PNPT1: variants seen among roughly 807,000 people sequenced by gnomAD.
PNPT1 encodes the protein polyribonucleotide nucleotidyltransferase 1, mitochondrial.
In PNPT1, 53 loss-of-function variants were observed where a neutral mutation model predicts 119.5. The ratio of observed to expected loss-of-function variants is 0.44; its 90% confidence interval spans 0.36 to 0.56. The LOEUF (loss-of-function observed/expected upper bound fraction) is 0.56. PNPT1 is among the 20% of genes least tolerant of loss of function. The pLI is 0.00. For synonymous variants in PNPT1, 357 were observed against 322.1 expected (o/e 1.11, Z -1.16); for missense variants, 948 against 938.5 (o/e 1.01, Z -0.13).
At chr2:55,643,503 G>T (rs561848790) in intron 23 of PNPT1, 78 bp from the exon 24 acceptor site, 2 of 1,236,990 alleles carry the variant, frequency 1.6e-6, no homozygotes, top group East Asian at 2.4e-5. Flanking sequence ...CCAGCACTCT[G>T]GGGGGCTGAG....
chr2:55,661,052 C>T (rs1572813461), intron 14 of PNPT1, among the ~76,000 whole-genome samples: 1 of 149,858 alleles, frequency 6.7e-6, no homozygotes, highest in Admixed American at 6.6e-5. Context: ...AGAGTCAAGA[C>T]TCTATGCAAT....
intron 8 of PNPT1, among the ~76,000 whole-genome samples, chr2:55,676,881 T>C (rs777790737): frequency 3.3e-5 from 5 of 151,914 alleles, no homozygotes; most frequent in Admixed American, 6.6e-5. Flanking sequence ...AAAAAAAGAT[T>C]TGGATGACTA....
intron 4 of PNPT1, 117 bp from the exon 5 acceptor site, chr2:55,683,951 C>T: frequency 1.1e-6 from 1 of 910,218 alleles, no homozygotes; most frequent in Non-Finnish European, 1.7e-6. Context: ...TCCCCTTGGA[C>T]TGATTTACTA....
rs1455169160 is a variant in PNPT1 at position 55,651,249 on chromosome 2, C to T, written c.1495+3651G>A. On this transcript the variant is annotated intron_variant, in intron 18 of 27. Transcript: ENST00000447944. ...CTGGGAAGTGAGGAGCCCCTCTGCC[C>T]GGCCACCACCCCGTCTGGGAGGTGT... Among the ~76,000 whole-genome samples, 9 of 150,556 alleles carry T rather than the reference C, an allele frequency of 6.0e-5. No individual in the cohort carries two copies. In the South Asian group the frequency reaches 8.5e-4, roughly 14 times the overall value.
Position 55,671,827 on chromosome 2 carries a change from AAAAAC to A in PNPT1, c.918+163_918+167del, listed in dbSNP as rs147416432. Among the ~76,000 whole-genome samples, 4,524 of 152,362 alleles carry A rather than the reference AAAAAC, an allele frequency of 0.03. 104 individuals are homozygous for A. Among genetic ancestry groups the A allele is most frequent in the South Asian group, 0.089 (429 of 4,832 alleles). ...GGGCGACAGAGAGAGACTCTGTCTC[AAAAAC>A]AAAACAAAACAAAAGAATGGAGAAA... On this transcript the variant is annotated intron_variant, in intron 10 of 27. Transcript: ENST00000447944.
chr2:55,674,359 T>C (rs912051911), intron 8 of PNPT1, among the ~76,000 whole-genome samples: 13 of 152,074 alleles, frequency 8.5e-5, no homozygotes, highest in Admixed American at 6.6e-5. Context: ...TTTGGGAGGC[T>C]AAAGTGGGCA....
chr2:55,692,617 A>T (rs1322131827), intron 1 of PNPT1, among the ~76,000 whole-genome samples: 3 of 152,138 alleles, frequency 2.0e-5, no homozygotes, highest in Non-Finnish European at 4.4e-5. Context: ...TTTTTTATAG[A>T]CTCTTAGAAA....
intron 15 of PNPT1, among the ~76,000 whole-genome samples, chr2:55,659,512 CA>C (rs1328763490): frequency 6.8e-6 from 1 of 147,484 alleles, no homozygotes; most frequent in Non-Finnish European, 1.5e-5. Context: ...GACGTGTATA[CA>C]GGCATGACTT....
chr2:55,680,330 G>A (rs1013933686), intron 7 of PNPT1, among the ~76,000 whole-genome samples: 4 of 151,382 alleles, frequency 2.6e-5, no homozygotes, highest in African/African-American at 4.9e-5. Flanking sequence ...TTTACTCACT[G>A]AGCCATTTTT....
At chr2:55,648,828 G>A (rs974079584) in intron 18 of PNPT1, among the ~76,000 whole-genome samples, 3 of 151,978 alleles carry the variant, frequency 2.0e-5, no homozygotes, top group South Asian at 2.1e-4. Context: ...TTTAGTTTAC[G>A]TAATCATGGT....
intron 1 of PNPT1, among the ~76,000 whole-genome samples, chr2:55,692,493 T>C (rs1275045269): frequency 1.3e-5 from 2 of 152,204 alleles, no homozygotes; most frequent in Admixed American, 1.3e-4. Flanking sequence ...TTCCATTTAT[T>C]CTAAGAACGA....
At chr2:55,685,263 C>A (rs1239863824) in intron 3 of PNPT1, among the ~76,000 whole-genome samples, 1 of 152,148 alleles carries the variant, frequency 6.6e-6, no homozygotes, top group South Asian at 2.1e-4. Flanking sequence ...CAGTGGCTCA[C>A]GCCTGTAATC....
chr2:55,667,843 C>T lies in PNPT1; in HGVS notation c.1073+19G>A, dbSNP rs1275289402. On this transcript the variant is annotated intron_variant, in intron 12 of 27. Coordinates refer to ENST00000447944, the MANE Select transcript of PNPT1 (RefSeq NM_033109.5). ...GAGACAGTGCATACTTCAATTTCAA[C>T]AAAAAAGGGTATGTTTACCTTTTGT... The T allele has an allele frequency of 6.3e-7, 1 of 1,586,108 alleles. No homozygotes were observed. The highest frequency in any genetic ancestry group is 2.3e-5 in the East Asian group (1 of 43,740).
intron 13 of PNPT1, among the ~76,000 whole-genome samples, chr2:55,666,490 C>T (rs1211917565): frequency 6.6e-6 from 1 of 152,122 alleles, no homozygotes; most frequent in African/African-American, 2.4e-5. Context: ...ACATTTTAAA[C>T]AGCATAGTTT....
intron 18 of PNPT1, among the ~76,000 whole-genome samples, chr2:55,647,655 G>A (rs771358088): frequency 1.3e-5 from 2 of 151,972 alleles, no homozygotes; most frequent in Non-Finnish European, 2.9e-5. Context: ...CTATAGCTGG[G>A]ATTATAGGCA....
intron 11 of PNPT1, among the ~76,000 whole-genome samples, chr2:55,668,713 C>T (rs1696814423): frequency 6.6e-6 from 1 of 152,192 alleles, no homozygotes; most frequent in African/African-American, 2.4e-5. Context: ...AATTCTCCTG[C>T]CTCAGCCTCC....
intron 1 of PNPT1, among the ~76,000 whole-genome samples, chr2:55,692,826 T>TCC (rs1371470053): frequency 1.3e-5 from 2 of 152,174 alleles, no homozygotes; most frequent in African/African-American, 4.8e-5. Context: ...TATCTTGTAC[T>TCC]CCTAACTTCA....
In PNPT1 at chr2:55,685,060, A is replaced by AT. The variant is rs1212982323; in HGVS notation, c.298-13dup. 11 of 1,560,650 alleles carry AT rather than the reference A, an allele frequency of 7.0e-6. No individual in the cohort carries two copies. Among genetic ancestry groups the AT allele is most frequent in the Non-Finnish European group, 9.6e-6 (11 of 1,148,948 alleles). On this transcript the variant is annotated splice_polypyrimidine_tract_variant and intron_variant, in intron 3 of 27. Coordinates refer to ENST00000447944, the MANE Select transcript of PNPT1 (RefSeq NM_033109.5). Reference sequence around the variant, plus strand: ...TGTCTGTAGTCAACCTGAAGCAGCAATAAAAAAAAGTTCATATAATTCTTT... The same window carrying AT: ...TGTCTGTAGTCAACCTGAAGCAGCAATTAAAAAAAAGTTCATATAATTCTTT...
chr2:55,693,283 C>A (rs930513704), intron 1 of PNPT1, among the ~76,000 whole-genome samples: 2 of 152,182 alleles, frequency 1.3e-5, no homozygotes, highest in African/African-American at 4.8e-5. Flanking sequence ...GGCATCAGAG[C>A]CCCAGCTTCC....
Sources: gnomAD v4.1 joint callset for allele counts (sites outside exome capture counted in the v4.1 genomes callset) on GRCh38, gnomAD v4.1.1 for gene constraint, MANE v1.5 for transcripts, NCBI Gene and HGNC (gene_info 2026-07-23, HGNC 2026-07-21) for gene names.